SDK1: variants seen among roughly 807,000 people sequenced by gnomAD.
SDK1 encodes the protein sidekick cell adhesion molecule 1.
SDK1 carries 157 observed loss-of-function variants against 245.5 expected under a neutral mutation model. The observed-to-expected ratio is 0.64, with a 90% CI of 0.56 to 0.73. SDK1 has a LOEUF of 0.73. Among genes scored for constraint, SDK1 ranks in the 30% least tolerant of loss-of-function variants. The probability of loss-of-function intolerance (pLI) is 0.00; values close to 1 mark genes in which losing one functional copy is unlikely to be tolerated. For missense variants in SDK1, 3,583 were observed against 3,002.3 expected (o/e 1.19, Z -4.52); for synonymous variants, 1,647 against 1,278.5 (o/e 1.29, Z -6.15).
intron 1 of SDK1, among the ~76,000 whole-genome samples, chr7:3,567,036 A>C (rs531023164): frequency 3.3e-5 from 5 of 152,200 alleles, no homozygotes; most frequent in African/African-American, 1.2e-4. Flanking sequence ...CTGATCCCAC[A>C]TTTATTTTCC....
chr7:3,420,384 T>C (rs1779503721), intron 1 of SDK1, among the ~76,000 whole-genome samples: 1 of 152,180 alleles, frequency 6.6e-6, no homozygotes, highest in African/African-American at 2.4e-5. Flanking sequence ...CAACTTTCTG[T>C]TCTTGGATTT....
intron 4 of SDK1, among the ~76,000 whole-genome samples, chr7:3,796,675 A>G (rs866726156): frequency 2.6e-4 from 39 of 152,362 alleles, no homozygotes; most frequent in South Asian, 1.5e-3. Context: ...CCCAGGTTTG[A>G]TAACAAAAAT....
chr7:3,783,278 T>A (rs1300280807), intron 4 of SDK1, among the ~76,000 whole-genome samples: 2 of 152,102 alleles, frequency 1.3e-5, no homozygotes, highest in Non-Finnish European at 2.9e-5. Context: ...GGTGAAAAAT[T>A]GAAAGCCTTT....
chr7:3,410,566 G>GT (rs1296134306), intron 1 of SDK1, among the ~76,000 whole-genome samples: 6 of 148,970 alleles, frequency 4.0e-5, no homozygotes, highest in African/African-American at 1.5e-4. Context: ...TAAGTGGCAG[G>GT]TGAAATGATA....
intron 4 of SDK1, among the ~76,000 whole-genome samples, chr7:3,769,781 G>A (rs1307086898): frequency 6.6e-6 from 1 of 152,018 alleles, no homozygotes; most frequent in African/African-American, 2.4e-5. Flanking sequence ...ACTTTCTGCT[G>A]TTGGTGAGGG....
At chr7:3,609,751 A>T (rs2128641668) in intron 1 of SDK1, among the ~76,000 whole-genome samples, 1 of 145,182 alleles carries the variant, frequency 6.9e-6, no homozygotes, top group African/African-American at 2.6e-5. Flanking sequence ...CCCAGGCTAG[A>T]GTGCAGTGGC....
intron 1 of SDK1, among the ~76,000 whole-genome samples, chr7:3,542,053 A>G (rs1055682321): frequency 1.3e-5 from 2 of 152,234 alleles, no homozygotes; most frequent in African/African-American, 4.8e-5. Context: ...TTAAAGTATA[A>G]TGATAGAAAC....
chr7:3,302,010 G>T, intron 1 of SDK1, 126 bp downstream of exon 1: 1 of 713,002 alleles, frequency 1.4e-6, no homozygotes, highest in Non-Finnish European at 1.8e-6. Flanking sequence ...CCTTGCTGGG[G>T]GCTCTAGGGA....
rs189642939 is a variant in SDK1 at position 3,339,860 on chromosome 7, C to G, written c.298+37976C>G. Among the ~76,000 whole-genome samples, 94 of 151,810 alleles carry G rather than the reference C, an allele frequency of 6.2e-4. 1 individual carries two copies. The highest frequency in any genetic ancestry group is 2.1e-3 in the African/African-American group (86 of 41,380). The stretch of plus-strand genomic sequence containing the variant: ...AAGCCTAAGCAAGCAGAACGAAGAG[C>G]AGAAGTCAGTGAAATTGAAAAGAGG... On this transcript the variant is annotated intron_variant, in intron 1 of 44. Coordinates refer to ENST00000404826, the MANE Select transcript of SDK1 (RefSeq NM_152744.4).
chr7:3,690,468 C>G (rs867091332), intron 4 of SDK1, among the ~76,000 whole-genome samples: 26 of 152,176 alleles, frequency 1.7e-4, no homozygotes, highest in Middle Eastern at 3.4e-3. Context: ...GTTTCTCTTT[C>G]AAATTTTTCG....
rs201034785 is a variant in SDK1, at chr7:4,159,750, G to GA, written c.4729+1206dup. ...AACCAACTGTGGATTGAAATGTTCAGAAAAAAAGTTAAAAATACAAATTAA... is the reference window on the plus strand; with the variant it reads ...AACCAACTGTGGATTGAAATGTTCAGAAAAAAAAGTTAAAAATACAAATTAA... On this transcript the variant is annotated intron_variant, in intron 31 of 44. Coordinates refer to ENST00000404826, the MANE Select transcript of SDK1 (RefSeq NM_152744.4). Among the ~76,000 whole-genome samples, 81 of 152,310 alleles carry GA rather than the reference G, an allele frequency of 5.3e-4. 3 individuals are homozygous for GA. The East Asian group carries it at 0.01, about 19-fold the overall frequency.
chr7:3,940,651 C>T (rs1351654056), intron 5 of SDK1, among the ~76,000 whole-genome samples: 5 of 151,760 alleles, frequency 3.3e-5, no homozygotes, highest in African/African-American at 9.7e-5. Flanking sequence ...GATGAAACCC[C>T]GTCTACTAAA....
At chr7:3,949,611 C>T (rs1780716900) in intron 5 of SDK1, among the ~76,000 whole-genome samples, 1 of 152,278 alleles carries the variant, frequency 6.6e-6, no homozygotes, top group Admixed American at 6.5e-5. Flanking sequence ...ACATCTCCGC[C>T]CTTTATTGAA....
At chr7:3,359,432 G>T (rs529630672) in intron 1 of SDK1, among the ~76,000 whole-genome samples, 1 of 152,188 alleles carries the variant, frequency 6.6e-6, no homozygotes. Flanking sequence ...ATATCTTAGG[G>T]AAGGTGGCAA....
At chr7:3,469,732 G>C (rs1014879919) in intron 1 of SDK1, among the ~76,000 whole-genome samples, 1 of 152,130 alleles carries the variant, frequency 6.6e-6, no homozygotes, top group Non-Finnish European at 1.5e-5. Flanking sequence ...GCCATTGACA[G>C]AAAACACATC....
At chr7:3,924,551 G>C (rs1165223328) in intron 5 of SDK1, among the ~76,000 whole-genome samples, 1 of 152,134 alleles carries the variant, frequency 6.6e-6, no homozygotes, top group Non-Finnish European at 1.5e-5. Flanking sequence ...ATGCTGCCAG[G>C]AATTCTGTTT....
chr7:4,252,046 T>G (rs1787334703), intron 44 of SDK1, among the ~76,000 whole-genome samples: 1 of 152,252 alleles, frequency 6.6e-6, no homozygotes, highest in Non-Finnish European at 1.5e-5. Context: ...TTGTTCATAG[T>G]GTATAATCCT....
chr7:3,713,282 A>C (rs575456317), intron 4 of SDK1, among the ~76,000 whole-genome samples: 1 of 152,354 alleles, frequency 6.6e-6, no homozygotes, highest in South Asian at 2.1e-4. Flanking sequence ...CTGGGAGCTC[A>C]GGCTCTGTGT....
chr7:3,358,093 C>G (rs1010367634), intron 1 of SDK1, among the ~76,000 whole-genome samples: 1 of 152,094 alleles, frequency 6.6e-6, no homozygotes, highest in Non-Finnish European at 1.5e-5. Context: ...AGGATCTCGG[C>G]TCACTGCAAC....
Sources: allele counts gnomAD v4.1 joint callset (sites outside exome capture counted in the v4.1 genomes callset), GRCh38; gene constraint gnomAD v4.1.1; transcripts MANE v1.5; gene names NCBI Gene and HGNC (gene_info 2026-07-23, HGNC 2026-07-21).